ALMS1: variants seen among roughly 807,000 people sequenced by gnomAD.
The protein encoded by ALMS1 is ALMS1 centrosome and basal body associated protein, also known as centrosome-associated protein ALMS1.
ALMS1 carries 271 observed loss-of-function variants against 352.2 expected under a neutral mutation model. The observed-to-expected ratio is 0.77, with a 90% CI of 0.70 to 0.85. ALMS1 has a LOEUF of 0.85. Ranked by LOEUF, ALMS1 falls within the 40% of genes least tolerant of loss-of-function variation. The pLI is 0.00. For missense variants in ALMS1, 5,445 were observed against 4,870.7 expected (o/e 1.12, Z -3.51); for synonymous variants, 1,865 against 1,761.2 (o/e 1.06, Z -1.48).
rs554890159 is a variant in ALMS1 at position 73,496,394 on chromosome 2, A to T, written c.9539+4896A>T. On this transcript the variant is annotated intron_variant, in intron 10 of 22. Coordinates refer to ENST00000613296, the MANE Select transcript of ALMS1 (RefSeq NM_001378454.1). ...TTACTTTGCAAAATGCATTTGACAC[A>T]TCCATCTTGTGTGGATCAGTAGTGC... is the stretch of plus-strand genomic sequence containing the variant. 5.9e-5 allele frequency among the ~76,000 whole-genome samples: 9 copies of T among 152,318 alleles called. No individual in the cohort carries two copies. In the South Asian group the frequency reaches 1.9e-3, roughly 32 times the overall value.
Position 73,449,529 on chromosome 2 carries a change from G to A in ALMS1, c.3002G>A (p.Gly1001Asp), listed in dbSNP as rs773630367. 4 of 1,613,912 alleles carry A rather than the reference G, an allele frequency of 2.5e-6. No homozygotes were observed. In the Admixed American group the frequency reaches 5.0e-5, roughly 20 times the overall value. ...GTCCCAACACCAACAGTACCTTCAG[G>A]TTCCTTCTCACATAGAGAGAAGCCC... ...KTVPTPTVPS[G>D]SFSHREKPSI... The change falls in exon 8 of 23, where the codon GGT (glycine) becomes GAT (aspartate). Residue 1001 changes from glycine to aspartate, a missense_variant. By Grantham distance (94) the Gly-to-Asp change is moderately conservative. Coordinates refer to ENST00000613296, the MANE Select transcript of ALMS1 (RefSeq NM_001378454.1).
chr2:73,545,595 G>A (rs768071942), intron 12 of ALMS1, among the ~76,000 whole-genome samples: 1 of 152,156 alleles, frequency 6.6e-6, no homozygotes, highest in Non-Finnish European at 1.5e-5. Flanking sequence ...TTGAGTATAC[G>A]AAATTAGCAA....
Position 73,386,053 on chromosome 2 carries a change from C to T in ALMS1, c.185C>T (p.Pro62Leu), listed in dbSNP as rs1486596389. The T allele has an allele frequency of 6.3e-7, 1 of 1,584,312 alleles. No individual in the cohort carries two copies. Among genetic ancestry groups the T allele is most frequent in the Admixed American group, 1.8e-5 (1 of 55,696 alleles). Residue 62 changes from proline (P) to leucine (L), a missense_variant, in exon 1 of 23, where the codon CCC (proline) becomes CTC (leucine). Pro to Leu is a moderately conservative substitution (Grantham distance 98, BLOSUM62 -3). Transcript: ENST00000613296. The part of the protein sequence containing the change: ...RELDSDSHYG[P>L]QHLESIDDEE... ...TTGGACTCCGACTCTCACTACGGGCCCCAGCATCTGGAAAGTATAGACGAC... is the reference window on the plus strand; with the variant it reads ...TTGGACTCCGACTCTCACTACGGGCTCCAGCATCTGGAAAGTATAGACGAC...
At chr2:73,584,021 A>G (rs1361694145) in intron 16 of ALMS1, among the ~76,000 whole-genome samples, 2 of 152,060 alleles carry the variant, frequency 1.3e-5, no homozygotes, top group East Asian at 1.9e-4. Context: ...GTTGATTGCT[A>G]TGTAATGCAT....
chr2:73,544,446 C>T (rs1435447805), intron 12 of ALMS1, among the ~76,000 whole-genome samples: 2 of 152,122 alleles, frequency 1.3e-5, no homozygotes, highest in African/African-American at 4.8e-5. Context: ...AGCACACCAA[C>T]ATGGCACATG....
Position 73,556,962 on chromosome 2 carries a change from A to G in ALMS1, c.10079-258A>G, listed in dbSNP as rs569512950. 7.2e-5 allele frequency among the ~76,000 whole-genome samples: 11 copies of G among 152,234 alleles called. No homozygotes were observed. The East Asian group carries it at 1.4e-3, about 19-fold the overall frequency. On this transcript the variant is annotated intron_variant, in intron 13 of 22. Coordinates refer to ENST00000613296, the MANE Select transcript of ALMS1 (RefSeq NM_001378454.1). ...AGTGATCCACCCGCCTCAGCCTCCC[A>G]AAGTGCTGGGATTACAGGTGTGAGC...
At chr2:73,563,898 G>A (rs1244786762) in intron 15 of ALMS1, among the ~76,000 whole-genome samples, 1 of 151,810 alleles carries the variant, frequency 6.6e-6, no homozygotes, top group Non-Finnish European at 1.5e-5. Context: ...AAGAGAAATG[G>A]ACAAATACAA....
At chr2:73,404,625 C>T (rs1670936685) in intron 1 of ALMS1, among the ~76,000 whole-genome samples, 1 of 151,938 alleles carries the variant, frequency 6.6e-6, no homozygotes, top group African/African-American at 2.4e-5. Flanking sequence ...CCACGAATTC[C>T]ACTTGGTCAT....
chr2:73,450,259 G>A lies in ALMS1; in HGVS notation c.3732G>A (p.Lys1244=), dbSNP rs140670994. Residue 1244 remains lysine, a synonymous_variant, in exon 8 of 23, where the codon AAG becomes AAA. Coordinates refer to ENST00000613296, the MANE Select transcript of ALMS1 (RefSeq NM_001378454.1). ...PTSASYSHTE[K]PGIFYQQVLP... The stretch of plus-strand genomic sequence containing the variant: ...CTGCTTCTTACTCACACACAGAGAA[G>A]CCTGGTATTTTCTACCAACAGGTCT... 2.6e-4 allele frequency: 415 copies of A among 1,614,024 alleles called. 3 individuals carry two copies. The African/African-American group carries it at 4.5e-3, about 17-fold the overall frequency.
intron 11 of ALMS1, among the ~76,000 whole-genome samples, chr2:73,526,746 C>G (rs140692059): frequency 6.6e-6 from 1 of 152,238 alleles, no homozygotes; most frequent in Non-Finnish European, 1.5e-5. Context: ...CCTTTCCAAT[C>G]TGGATCTCCT....
In ALMS1 at chr2:73,579,063, C is replaced by CTTTTTTTT. The variant is rs372240184; in HGVS notation, c.11547+5646_11547+5647insTTTTTTTT. Among the ~76,000 whole-genome samples, 414 of 119,054 alleles carry CTTTTTTTT rather than the reference C, an allele frequency of 3.5e-3. 69 individuals are homozygous for CTTTTTTTT. Among genetic ancestry groups the CTTTTTTTT allele is most frequent in the African/African-American group, 0.014 (313 of 23,144 alleles). 78.1% of individuals were successfully genotyped at this position (119,054 alleles called of 152,430 possible). On this transcript the variant is annotated intron_variant, in intron 16 of 22. Transcript: ENST00000613296. ...GAATGTCTTTAATTTCTCCTTTATTCTTTTTTTATTTATTTTTTTTTTTGA... is the reference window on the plus strand; with the variant it reads ...GAATGTCTTTAATTTCTCCTTTATTCTTTTTTTTTTTTTTTATTTATTTTTTTTTTTGA...
Position 73,447,760 on chromosome 2 carries a change from CTGT to C in ALMS1, c.1433-194_1433-192del, listed in dbSNP as rs577297587. 4.1e-4 allele frequency among the ~76,000 whole-genome samples: 52 copies of C among 125,306 alleles called. 1 individual carries two copies. The East Asian group carries it at 9.5e-3, about 23-fold the overall frequency. 82.2% of individuals were successfully genotyped at this position (125,306 alleles called of 152,430 possible). A position where few individuals can be genotyped will look rare whatever the true frequency, so the allele number is the denominator to read the frequency against. On this transcript the variant is annotated intron_variant, in intron 7 of 22. Coordinates refer to ENST00000613296, the MANE Select transcript of ALMS1 (RefSeq NM_001378454.1). ...TATACTGTTGTTTATAACCATTACT[CTGT>C]TGTTGAAGATTAAAATGTTTTTACT... is the stretch of plus-strand genomic sequence containing the variant.
intron 3 of ALMS1, among the ~76,000 whole-genome samples, chr2:73,422,560 G>GTTAC (rs1671305366): frequency 6.6e-6 from 1 of 152,088 alleles, no homozygotes; most frequent in African/African-American, 2.4e-5. Flanking sequence ...ATGTGGACAA[G>GTTAC]TTACTTAATG....
intron 7 of ALMS1, among the ~76,000 whole-genome samples, chr2:73,435,599 T>C (rs1027475886): frequency 3.3e-5 from 5 of 151,994 alleles, no homozygotes; most frequent in African/African-American, 7.3e-5. Flanking sequence ...TAAATGCCTT[T>C]AAGTTTTTGT....
rs557757014 is a variant in ALMS1 at position 73,493,588 on chromosome 2, G to A, written c.9539+2090G>A. 8.6e-5 allele frequency among the ~76,000 whole-genome samples: 13 copies of A among 151,972 alleles called. No homozygotes were observed. The South Asian group carries it at 2.5e-3, about 29-fold the overall frequency. On this transcript the variant is annotated intron_variant, in intron 10 of 22. Coordinates refer to ENST00000613296, the MANE Select transcript of ALMS1 (RefSeq NM_001378454.1). ...AAATACAAAATTAGCTGGGCATGGT[G>A]GCACATGCTTGTAATCCCAGCTACT...
chr2:73,388,477 C>G (rs573045837), intron 1 of ALMS1, among the ~76,000 whole-genome samples: 1 of 152,130 alleles, frequency 6.6e-6, no homozygotes, highest in Non-Finnish European at 1.5e-5. Flanking sequence ...TTATTTCCAT[C>G]TTTATGTCTG....
Position 73,572,463 on chromosome 2 carries a change from C to T in ALMS1, c.10586C>T (p.Pro3529Leu), listed in dbSNP as rs771184608. The T allele has an allele frequency of 1.1e-5, 17 of 1,613,944 alleles. No individual in the cohort carries two copies. Among genetic ancestry groups the T allele is most frequent in the Middle Eastern group, 1.6e-4 (1 of 6,062 alleles). Reference sequence around the variant, plus strand: ...AAACATAGAGAACACATGTGTCTTCCTCTTCCTTATCAAAACATGGACAAG... The same window carrying T: ...AAACATAGAGAACACATGTGTCTTCTTCTTCCTTATCAAAACATGGACAAG... ...PDKHREHMCL[P>L]LPYQNMDKTK... The change falls in exon 16 of 23, where the codon CCT becomes CTT. Residue 3529 changes from proline to leucine, a missense_variant. Transcript: ENST00000613296.
intron 9 of ALMS1, among the ~76,000 whole-genome samples, chr2:73,463,355 G>A (rs1366927368): frequency 6.6e-6 from 1 of 151,716 alleles, no homozygotes; most frequent in Non-Finnish European, 1.5e-5. Context: ...ATGACTACTG[G>A]GTACATAACG....
intron 14 of ALMS1, among the ~76,000 whole-genome samples, chr2:73,558,435 A>G (rs748115201): frequency 3.9e-5 from 6 of 152,218 alleles, no homozygotes; most frequent in African/African-American, 9.6e-5. Flanking sequence ...TCCTAATCAA[A>G]AACTTTAGTG....
Sources: gnomAD v4.1 joint callset for allele counts (sites outside exome capture counted in the v4.1 genomes callset) on GRCh38, gnomAD v4.1.1 for gene constraint, MANE v1.5 for transcripts, NCBI Gene and HGNC (gene_info 2026-07-23, HGNC 2026-07-21) for gene names.